TNIP1: variants seen among roughly 807,000 people sequenced by gnomAD.
TNIP1 encodes TNFAIP3-interacting protein 1.
In TNIP1, 22 loss-of-function variants were observed where a neutral mutation model predicts 86.6. That is an observed-to-expected ratio of 0.25 (90% CI 0.18 to 0.36). The LOEUF is 0.36. TNIP1 is among the 10% of genes least tolerant of loss of function. TNIP1 has a pLI of 1.00. For synonymous variants in TNIP1, 294 were observed against 313.0 expected, an observed-to-expected ratio of 0.94 and a Z score of 0.64; for missense variants, 709 against 820.6, an observed-to-expected ratio of 0.86 and a Z score of 1.66.
In TNIP1 at chr5:151,060,391, G is replaced by A. The variant is rs1761403056; in HGVS notation, c.362C>T (p.Thr121Ile). ...APVQKPPSSG[T>I]SSEFEVVTPE... is the part of the protein sequence containing the mutation. ...AGTGACCACTTCAAATTCAGAGGAG[G>A]TGCCCTGTGCAGAAAGGAAGTTAGG... Residue 121 changes from threonine to isoleucine, a missense_variant, in exon 5 of 18, where the codon ACC (threonine) becomes ATC (isoleucine). By Grantham distance (89) the Thr-to-Ile change is moderately conservative. Transcript: ENST00000521591. 5 of 1,614,070 alleles carry A rather than the reference G, an allele frequency of 3.1e-6. No homozygotes were observed. The African/African-American group carries it at 5.3e-5, about 17-fold the overall frequency.
At chr5:151,050,689 A>G (rs375187837) in intron 7 of TNIP1, among the ~76,000 whole-genome samples, 1 of 152,228 alleles carries the variant, frequency 6.6e-6, no homozygotes, top group East Asian at 1.9e-4. Context: ...GCTGGAGTAC[A>G]GTGGCCCAAT....
intron 1 of TNIP1, among the ~76,000 whole-genome samples, chr5:151,066,957 A>G (rs1762310505): frequency 6.6e-6 from 1 of 152,216 alleles, no homozygotes. Context: ...GACTTGTCCA[A>G]GAGCGTCCAT....
At chr5:151,053,497 T>C (rs562228734) in intron 6 of TNIP1, among the ~76,000 whole-genome samples, 2 of 152,222 alleles carry the variant, frequency 1.3e-5, no homozygotes, top group African/African-American at 2.4e-5. Context: ...CCATGAACCA[T>C]CAGTCACTTG....
At chr5:151,084,008 A>C (rs538004914), upstream of TNIP1, among the ~76,000 whole-genome samples, 14 of 152,346 alleles carry the variant, frequency 9.2e-5, no homozygotes, top group Middle Eastern at 6.8e-3. Context: ...TGACTTGCCC[A>C]AGGTCTTACA....
chr5:151,046,258 A>G, intron 8 of TNIP1: 1 of 323,856 alleles, frequency 3.1e-6, no homozygotes, highest in Admixed American at 4.6e-5. Context: ...CACTCTCCTC[A>G]CTCCCTACAC....
At chr5:151,046,267 A>G (rs768303290) in intron 8 of TNIP1, 4 of 302,192 alleles carry the variant, frequency 1.3e-5, no homozygotes, top group African/African-American at 2.1e-5. Context: ...CACTCCCTAC[A>G]CACATCAGCC....
intron 1 of TNIP1, among the ~76,000 whole-genome samples, chr5:151,077,175 G>C (rs1763485490): frequency 6.6e-6 from 1 of 152,210 alleles, no homozygotes; most frequent in Non-Finnish European, 1.5e-5. Flanking sequence ...TTGAAATAGA[G>C]AGTGTATTAG....
upstream of TNIP1, among the ~76,000 whole-genome samples, chr5:151,084,911 T>C (rs939888764): frequency 2.0e-5 from 3 of 152,224 alleles, no homozygotes; most frequent in Non-Finnish European, 2.9e-5. Context: ...GCACATGATA[T>C]TGACTAAAAT....
chr5:151,040,327 C>T (rs1411910114), intron 11 of TNIP1, among the ~76,000 whole-genome samples: 7 of 152,202 alleles, frequency 4.6e-5, no homozygotes, highest in African/African-American at 1.7e-4. Context: ...TGTGTATTCA[C>T]AGCATGTGAT....
rs1400344813 is a variant in TNIP1, at chr5:151,062,229, G to A, written c.272-17C>T. The A allele has an allele frequency of 6.2e-7, 1 of 1,612,256 alleles. No homozygotes were observed. Among genetic ancestry groups the A allele is most frequent in the Non-Finnish European group, 8.5e-7 (1 of 1,178,522 alleles). ...AGTCCTTTCCTGGAGAATCAAGAAAGCACAGATGAACTGACTGGGAAGGGG... is the reference window on the plus strand; with the variant it reads ...AGTCCTTTCCTGGAGAATCAAGAAAACACAGATGAACTGACTGGGAAGGGG... On this transcript the variant is annotated splice_polypyrimidine_tract_variant and intron_variant, in intron 3 of 17. Transcript: ENST00000521591.
chr5:151,048,728 A>G (rs1759506414), intron 8 of TNIP1, among the ~76,000 whole-genome samples: 1 of 152,168 alleles, frequency 6.6e-6, no homozygotes, highest in Non-Finnish European at 1.5e-5. Flanking sequence ...AGAACAGCCG[A>G]GTCTACAAGT....
At chr5:151,078,819 G>C (rs1228177398) in intron 1 of TNIP1, among the ~76,000 whole-genome samples, 1 of 152,220 alleles carries the variant, frequency 6.6e-6, no homozygotes, top group Non-Finnish European at 1.5e-5. Context: ...AATCACAGCG[G>C]GTACAGGAGT....
At chr5:151,075,505 A>G (rs1239127658) in intron 1 of TNIP1, among the ~76,000 whole-genome samples, 1 of 152,168 alleles carries the variant, frequency 6.6e-6, no homozygotes, top group Non-Finnish European at 1.5e-5. Flanking sequence ...TCCCCACTCT[A>G]GCAGTCCCCA....
chr5:151,052,344 G>T, intron 6 of TNIP1, 85 bp from the exon 7 acceptor site: 2 of 1,130,562 alleles, frequency 1.8e-6, no homozygotes, highest in Non-Finnish European at 1.3e-6. Flanking sequence ...TGGGGGGCCT[G>T]TAGCCACCCC....
chr5:151,035,833 T>G (rs2113296015), intron 13 of TNIP1, 126 bp from the exon 14 acceptor site: 1 of 1,220,684 alleles, frequency 8.2e-7, no homozygotes, highest in Non-Finnish European at 1.1e-6. Flanking sequence ...CCATGGGGAG[T>G]GGGACAGCTA....
At position 151,047,228 on chromosome 5, in the gene TNIP1, C is replaced by T. The variant is rs190956798; in HGVS notation, c.847-1278G>A. On this transcript the variant is annotated intron_variant, in intron 8 of 17. Transcript: ENST00000521591. ...GAAATATTCTGCACACTCTGATGTA[C>T]ACAGAACGTCACCTCCGTGAGATTC... Among the ~76,000 whole-genome samples the T allele has an allele frequency of 3.5e-4, 53 of 152,336 alleles. No homozygotes were observed. In the East Asian group the frequency reaches 8.9e-3, roughly 25 times the overall value.
At chr5:151,051,053 A>G (rs1561839891) in intron 7 of TNIP1, among the ~76,000 whole-genome samples, 2 of 152,210 alleles carry the variant, frequency 1.3e-5, no homozygotes, top group South Asian at 4.1e-4. Context: ...TCCCAAGGTC[A>G]TACAGCAGAG....
chr5:151,062,326 G>T, intron 3 of TNIP1, 114 bp from the exon 4 acceptor site: 1 of 949,982 alleles, frequency 1.1e-6, no homozygotes, highest in Non-Finnish European at 1.6e-6. Flanking sequence ...CCCCACTCGA[G>T]TGTGGGAGAA....
At chr5:151,077,828 A>G (rs534645142) in intron 1 of TNIP1, among the ~76,000 whole-genome samples, 9 of 152,212 alleles carry the variant, frequency 5.9e-5, no homozygotes, top group Non-Finnish European at 1.3e-4. Flanking sequence ...AAGGAGAAAA[A>G]TCAACATTTC....
Sources: allele counts gnomAD v4.1 joint callset (sites outside exome capture counted in the v4.1 genomes callset), GRCh38; gene constraint gnomAD v4.1.1; transcripts MANE v1.5; gene names NCBI Gene and HGNC (gene_info 2026-07-23, HGNC 2026-07-21).